The following ZNF521 variants were observed in gnomAD, a reference collection of about 807,000 sequenced individuals.
The protein encoded by ZNF521 is LYST-interacting protein 3.
Under a neutral mutation model 105.5 loss-of-function variants are expected in ZNF521, and 14 were observed. The observed-to-expected ratio is 0.13, with a 90% confidence interval of 0.09 to 0.21. ZNF521 has a LOEUF of 0.21. ZNF521 is among the 10% of genes least tolerant of loss of function. The pLI, the probability that ZNF521 is intolerant of heterozygous loss-of-function variation, is 1.00. For synonymous variants in ZNF521, 635 were observed against 606.0 expected (o/e 1.05, Z -0.70); for missense variants, 1,233 against 1,629.7 (o/e 0.76, Z 4.19).
chr18:25,091,367 G>A (rs188536138), intron 6 of ZNF521, among the ~76,000 whole-genome samples: 27 of 151,898 alleles, frequency 1.8e-4, no homozygotes, highest in East Asian at 1.2e-3. Flanking sequence ...TAATGCTATC[G>A]TATCTGTTAA....
chr18:25,230,588 C>T (rs986768768), intron 3 of ZNF521, among the ~76,000 whole-genome samples: 3 of 141,998 alleles, frequency 2.1e-5, no homozygotes, highest in South Asian at 2.3e-4. Flanking sequence ...TCTTTTTACA[C>T]GTGGAAGAAA....
At chr18:25,347,837 G>C (rs1431040947) in intron 2 of ZNF521, among the ~76,000 whole-genome samples, 2 of 152,134 alleles carry the variant, frequency 1.3e-5, no homozygotes, top group Non-Finnish European at 2.9e-5. Flanking sequence ...TGAGATACAA[G>C]TTTCAAATTA....
chr18:25,226,521 C>T lies in ZNF521; in HGVS notation c.1397G>A (p.Gly466Asp). 2 of 1,614,122 alleles carry T rather than the reference C, an allele frequency of 1.2e-6. No individual in the cohort carries two copies. Among genetic ancestry groups the T allele is most frequent in the South Asian group, 2.2e-5 (2 of 91,078 alleles). The change falls in exon 4 of 8, where the codon GGT becomes GAT. Residue 466 changes from glycine to aspartate, a missense_variant. This residue lies in a region of ZNF521 where 380 missense variants were observed against 478.0 expected (regional missense o/e 0.80). Coordinates refer to ENST00000361524, the MANE Select transcript of ZNF521 (RefSeq NM_015461.3). The surrounding 1 kb of genome is among the most constrained non-coding windows in gnomAD (Gnocchi z 4.1). ...GGCAGGCATGGCAGAAACAATCAGA[C>T]CTGGGTCCTGAGCTTCATGCACTTG... Reference protein sequence around the residue: ...LKQVHEAQDPGLIVSAMPAIV... With the variant: ...LKQVHEAQDPDLIVSAMPAIV...
chr18:25,338,453 C>G (rs1378870661), intron 2 of ZNF521, among the ~76,000 whole-genome samples: 2 of 151,928 alleles, frequency 1.3e-5, no homozygotes, highest in African/African-American at 4.8e-5. Context: ...CACTCTGTCA[C>G]CCAGGTTGGA....
chr18:25,282,768 T>A (rs959066495), intron 3 of ZNF521, among the ~76,000 whole-genome samples: 1 of 152,066 alleles, frequency 6.6e-6, no homozygotes, highest in Admixed American at 6.5e-5. Context: ...TTTTCCCCCC[T>A]TTAGGCCTTT....
chr18:25,109,201 A>C (rs1228201168), intron 5 of ZNF521, among the ~76,000 whole-genome samples: 1 of 152,060 alleles, frequency 6.6e-6, no homozygotes, highest in East Asian at 1.9e-4. Flanking sequence ...TATAAGTGAG[A>C]ATATGTGGTA....
chr18:25,262,291 A>G (rs1294928199), intron 3 of ZNF521, among the ~76,000 whole-genome samples: 1 of 152,188 alleles, frequency 6.6e-6, no homozygotes, highest in Non-Finnish European at 1.5e-5. Context: ...TAAGGCAGAT[A>G]CTTTTCCCTG....
intron 4 of ZNF521, among the ~76,000 whole-genome samples, chr18:25,207,963 T>C (rs773487065): frequency 3.3e-5 from 5 of 152,176 alleles, no homozygotes; most frequent in African/African-American, 7.2e-5. Context: ...TACCACAGTA[T>C]ATAATATGAA....
chr18:25,168,728 C>T (rs1175464221), intron 5 of ZNF521, among the ~76,000 whole-genome samples: 1 of 152,180 alleles, frequency 6.6e-6, no homozygotes, highest in East Asian at 1.9e-4. Flanking sequence ...AAGTATCAAG[C>T]CAATTACCTG....
chr18:25,206,961 C>T (rs143332601), intron 4 of ZNF521, among the ~76,000 whole-genome samples: 190 of 152,258 alleles, frequency 1.2e-3, no homozygotes, highest in Middle Eastern at 6.8e-3. Context: ...TGTGCAATTA[C>T]AATGTATACA....
At chr18:25,179,193 C>G (rs1255743405) in intron 5 of ZNF521, among the ~76,000 whole-genome samples, 2 of 117,216 alleles carry the variant, frequency 1.7e-5, no homozygotes, top group African/African-American at 6.7e-5. Context: ...TCCCTCTATC[C>G]CCCAGGCTGG....
chr18:25,350,515 CA>C (rs939958467), intron 2 of ZNF521, among the ~76,000 whole-genome samples: 21 of 152,158 alleles, frequency 1.4e-4, no homozygotes, highest in Admixed American at 1.2e-3. Flanking sequence ...CACGGTTTTG[CA>C]TATTTATTCT....
intron 5 of ZNF521, among the ~76,000 whole-genome samples, chr18:25,149,418 G>C (rs1291898423): frequency 6.6e-6 from 1 of 152,120 alleles, no homozygotes; most frequent in Non-Finnish European, 1.5e-5. Flanking sequence ...ATATAAGGTT[G>C]ATATTCTTAT....
intron 3 of ZNF521, among the ~76,000 whole-genome samples, chr18:25,288,610 A>G (rs1910839211): frequency 6.6e-6 from 1 of 151,916 alleles, no homozygotes; most frequent in Admixed American, 6.6e-5. Context: ...AAAAAAAAAA[A>G]AGAAATCATT....
chr18:25,182,686 G>T (rs183794407), intron 5 of ZNF521, among the ~76,000 whole-genome samples: 33 of 152,218 alleles, frequency 2.2e-4, no homozygotes, highest in Admixed American at 1.1e-3. Flanking sequence ...TAGCAAATAA[G>T]ATCAGCAAGC....
chr18:25,267,126 C>T (rs1427681399), intron 3 of ZNF521, among the ~76,000 whole-genome samples: 1 of 152,156 alleles, frequency 6.6e-6, no homozygotes, highest in African/African-American at 2.4e-5. Context: ...CTTGAGTAGG[C>T]AGTTTTACCC....
intron 5 of ZNF521, among the ~76,000 whole-genome samples, chr18:25,174,131 G>A (rs2035495000): frequency 6.6e-6 from 1 of 151,948 alleles, no homozygotes; most frequent in African/African-American, 2.4e-5. Context: ...TTTGAAATAA[G>A]AATGCTTACT....
chr18:25,250,690 A>G (rs1027490155), intron 3 of ZNF521, among the ~76,000 whole-genome samples: 1 of 152,260 alleles, frequency 6.6e-6, no homozygotes, highest in Admixed American at 6.5e-5. Flanking sequence ...GAATTTAGGA[A>G]GCCATCCTGT....
chr18:25,284,864 T>C (rs1910596260), intron 3 of ZNF521, among the ~76,000 whole-genome samples: 1 of 150,220 alleles, frequency 6.7e-6, no homozygotes. Context: ...ACAAAAGAGG[T>C]TTCTAGTGAG....
Sources: allele counts gnomAD v4.1 joint callset (sites outside exome capture counted in the v4.1 genomes callset), GRCh38; gene constraint gnomAD v4.1.1; regional missense constraint gnomAD v4.1.1; non-coding constraint Gnocchi (gnomAD v3.1); transcripts MANE v1.5; gene names NCBI Gene and HGNC (gene_info 2026-07-23, HGNC 2026-07-21).